LRRC4C: variants seen among roughly 807,000 people sequenced by gnomAD.
LRRC4C encodes the protein leucine-rich repeat-containing protein 4C.
A neutral mutation model predicts 33.6 loss-of-function variants in LRRC4C; 5 were observed. The observed-to-expected ratio is 0.15, with a 90% CI of 0.08 to 0.31. The LOEUF (loss-of-function observed/expected upper bound fraction) is 0.31, where lower values mean the gene tolerates loss of function less well. Among genes scored for constraint, LRRC4C ranks in the 10% least tolerant of loss-of-function variants. The probability of loss-of-function intolerance (pLI) is 1.00; values close to 1 mark genes in which losing one functional copy is unlikely to be tolerated. For missense variants in LRRC4C, 560 were observed against 796.7 expected (o/e 0.70, Z 3.58); for synonymous variants, 329 against 302.0 (o/e 1.09, Z -0.93).
intron 3 of LRRC4C, among the ~76,000 whole-genome samples, chr11:40,440,826 C>G (rs1951358376): frequency 6.6e-6 from 1 of 151,762 alleles, no homozygotes; most frequent in Non-Finnish European, 1.5e-5. Context: ...AGGGAGTCCG[C>G]TCATTTTGTG....
chr11:41,407,150 A>G lies in LRRC4C; in HGVS notation c.-496+52281T>C, dbSNP rs567538719. On this transcript the variant is annotated intron_variant, in intron 1 of 6. Coordinates refer to ENST00000528697, the MANE Select transcript of LRRC4C (RefSeq NM_001258419.2). ...TTCAGTGTCTATGGACCACGAAAAA[A>G]CTGGAAGAGCTAGGTACTCTTATTG... Among the ~76,000 whole-genome samples the G allele has an allele frequency of 6.3e-4, 96 of 152,258 alleles. 1 individual carries two copies. Among genetic ancestry groups the G allele is most frequent in the Non-Finnish European group, 1.1e-3 (77 of 68,016 alleles).
At chr11:41,425,997 C>G (rs1439844826) in intron 1 of LRRC4C, among the ~76,000 whole-genome samples, 1 of 152,144 alleles carries the variant, frequency 6.6e-6, no homozygotes, top group Non-Finnish European at 1.5e-5. Flanking sequence ...CAAAAACACT[C>G]TTCTAAAACT....
At chr11:40,614,765 G>C (rs1353947498) in intron 3 of LRRC4C, among the ~76,000 whole-genome samples, 1 of 151,532 alleles carries the variant, frequency 6.6e-6, no homozygotes, top group African/African-American at 2.4e-5. Flanking sequence ...TTTTAATATG[G>C]TTGTAGTTCA....
intron 1 of LRRC4C, among the ~76,000 whole-genome samples, chr11:41,034,392 A>G (rs542600540): frequency 5.3e-4 from 79 of 149,100 alleles, no homozygotes; most frequent in Non-Finnish European, 9.6e-4. Context: ...CTATTCTGTT[A>G]TAGGAATGGA....
At chr11:40,157,521 A>G (rs1323360841) in intron 5 of LRRC4C, among the ~76,000 whole-genome samples, 2 of 152,148 alleles carry the variant, frequency 1.3e-5, no homozygotes, top group Non-Finnish European at 2.9e-5. Flanking sequence ...CTGACAAAGG[A>G]CTAATATCCA....
At chr11:40,659,941 G>A (rs1321242823) in intron 2 of LRRC4C, among the ~76,000 whole-genome samples, 6 of 152,188 alleles carry the variant, frequency 3.9e-5, no homozygotes, top group Non-Finnish European at 8.8e-5. Context: ...ACACAAACAG[G>A]GCTGAAACAT....
chr11:41,012,502 T>C (rs1178356522), intron 1 of LRRC4C, among the ~76,000 whole-genome samples: 1 of 152,208 alleles, frequency 6.6e-6, no homozygotes, highest in Admixed American at 6.5e-5. Flanking sequence ...GGACTTACAC[T>C]GATTCCATAT....
intron 2 of LRRC4C, among the ~76,000 whole-genome samples, chr11:40,660,091 T>TGTG (rs1943354696): frequency 6.6e-6 from 1 of 152,220 alleles, no homozygotes; most frequent in Admixed American, 6.5e-5. Context: ...ATTCTCCTTG[T>TGTG]CCACACACAG....
chr11:40,753,676 G>A (rs545825484), intron 2 of LRRC4C, among the ~76,000 whole-genome samples: 29 of 151,042 alleles, frequency 1.9e-4, no homozygotes, highest in South Asian at 2.1e-4. Flanking sequence ...ATTTTATTTC[G>A]ATTTAATTTT....
chr11:40,437,265 T>C (rs933817643), intron 3 of LRRC4C, among the ~76,000 whole-genome samples: 3 of 152,202 alleles, frequency 2.0e-5, no homozygotes, highest in African/African-American at 7.2e-5. Context: ...CACATTGTAA[T>C]TGCAGATTGC....
intron 3 of LRRC4C, among the ~76,000 whole-genome samples, chr11:40,429,609 T>G (rs999141442): frequency 1.3e-5 from 2 of 152,108 alleles, no homozygotes; most frequent in African/African-American, 4.8e-5. Context: ...TATGTGGATT[T>G]CTAAAGGTGA....
chr11:40,512,038 G>GA (rs1955342248), intron 3 of LRRC4C, among the ~76,000 whole-genome samples: 1 of 151,474 alleles, frequency 6.6e-6, no homozygotes, highest in Non-Finnish European at 1.5e-5. Context: ...GACAGGTCCA[G>GA]AAAAAAAGAA....
chr11:40,443,286 A>G (rs984412896), intron 3 of LRRC4C, among the ~76,000 whole-genome samples: 9 of 152,144 alleles, frequency 5.9e-5, no homozygotes, highest in African/African-American at 2.2e-4. Flanking sequence ...GACAAACAAG[A>G]TATTATCTTG....
chr11:41,305,671 A>G (rs1490437719), intron 1 of LRRC4C, among the ~76,000 whole-genome samples: 1 of 78,148 alleles, frequency 1.3e-5, no homozygotes, highest in East Asian at 3.5e-4. Flanking sequence ...AGGGCGGTGC[A>G]AGATGGGCTT....
chr11:40,302,799 ATT>A (rs1944838295), intron 4 of LRRC4C, among the ~76,000 whole-genome samples: 4 of 152,158 alleles, frequency 2.6e-5, no homozygotes, highest in Non-Finnish European at 5.9e-5. Context: ...ATTACTGTAT[ATT>A]TAGAAAGGGT....
intron 1 of LRRC4C, among the ~76,000 whole-genome samples, chr11:40,987,190 A>G (rs949184169): frequency 8.5e-5 from 13 of 152,192 alleles, no homozygotes; most frequent in African/African-American, 3.1e-4. Flanking sequence ...CAACACAAGC[A>G]GCTGTTGACG....
rs559938811 is a variant in LRRC4C, at chr11:40,585,920, C to T, written c.-270+62222G>A. On this transcript the variant is annotated intron_variant, in intron 3 of 6. Coordinates refer to ENST00000528697, the MANE Select transcript of LRRC4C (RefSeq NM_001258419.2). The stretch of plus-strand genomic sequence containing the variant: ...CAAGTCTTTGCTATTGTGAATAATG[C>T]CGCAATAAACATACGTGTGCATGTG... Among the ~76,000 whole-genome samples the T allele has an allele frequency of 3.3e-3, 456 of 136,978 alleles. 25 individuals carry two copies. The highest frequency in any genetic ancestry group is 5.8e-3 in the Non-Finnish European group (362 of 62,138). 89.9% of individuals were successfully genotyped at this position (136,978 alleles called of 152,430 possible).
intron 1 of LRRC4C, among the ~76,000 whole-genome samples, chr11:41,109,750 C>T (rs78406716): frequency 0.011 from 1,699 of 152,136 alleles, 41 homozygotes; most frequent in African/African-American, 0.039. Context: ...GACAGCTCAT[C>T]AAACCCATCC....
chr11:40,284,462 G>GA (rs1172643233), intron 4 of LRRC4C, among the ~76,000 whole-genome samples: 1 of 152,024 alleles, frequency 6.6e-6, no homozygotes, highest in African/African-American at 2.4e-5. Flanking sequence ...GTGCTGTTGA[G>GA]AAGAGTCTGG....
Sources: gnomAD v4.1 joint callset for allele counts (sites outside exome capture counted in the v4.1 genomes callset) on GRCh38, gnomAD v4.1.1 for gene constraint, MANE v1.5 for transcripts, NCBI Gene and HGNC (gene_info 2026-07-23, HGNC 2026-07-21) for gene names.